Variants in DDB1 observed in about 807,000 individuals in gnomAD.
DDB1 encodes damage specific DNA binding protein 1, also known as DNA damage-binding protein 1.
A neutral mutation model predicts 133.1 loss-of-function variants in DDB1; 18 were observed. The ratio of observed to expected loss-of-function variants is 0.14; its 90% CI spans 0.09 to 0.20. DDB1 has a LOEUF of 0.20. Among genes scored for constraint, DDB1 ranks in the 10% least tolerant of loss-of-function variants. The pLI is 1.00. For synonymous variants in DDB1, 580 were observed against 550.5 expected, an observed-to-expected ratio of 1.05 and a Z score of -0.75; for missense variants, 828 against 1,459.2, an observed-to-expected ratio of 0.57 and a Z score of 7.05.
Position 61,330,027 on chromosome 11 carries a change from G to A in DDB1, c.258C>T (p.Ala86=). 1 of 1,613,892 alleles carries A rather than the reference G, an allele frequency of 6.2e-7. No individual in the cohort carries two copies. The highest frequency in any genetic ancestry group is 8.5e-7 in the Non-Finnish European group (1 of 1,179,834). ...CACTCTGTTTATACTCCAGGATGCA[G>A]GCATTGTACTTCGCTGTCAAGATAA... The part of the protein sequence containing the change: ...LLFILTAKYN[A]CILEYKQSGE... Residue 86 remains alanine, a synonymous_variant, in exon 3 of 27, where the codon GCC becomes GCT. Transcript: ENST00000301764.
Position 61,324,015 on chromosome 11 carries a change from G to C in DDB1, c.885C>G (p.Val295=). ...GTTCTACACGGAGATCCTTGAGAGT[G>C]ACGGTGCCATCCATCTGTTCCTCCT... ...LEKEEQMDGT[V]TLKDLRVELL... The change falls in exon 7 of 27, where the codon GTC becomes GTG. Residue 295 remains valine (V), a synonymous_variant. Transcript: ENST00000301764. 1.9e-6 allele frequency: 3 copies of C among 1,613,742 alleles called. No homozygotes were observed. Among genetic ancestry groups the C allele is most frequent in the Non-Finnish European group, 2.5e-6 (3 of 1,179,888 alleles).
At chr11:61,308,272 CTTCCCCAAGCACAG>C (rs1855908809) in intron 21 of DDB1, among the ~76,000 whole-genome samples, 2 of 152,176 alleles carry the variant, frequency 1.3e-5, no homozygotes, top group Non-Finnish European at 2.9e-5. Flanking sequence ...TTGCACTTGT[CTTCCCCAAGCACAG>C]GTAGGGTTCT....
intron 3 of DDB1, 71 bp downstream of exon 3, chr11:61,329,887 C>G: frequency 1.5e-6 from 2 of 1,335,198 alleles, no homozygotes; most frequent in South Asian, 2.5e-5. Context: ...GCCCCCAGCA[C>G]TTTAATTTTT....
Position 61,309,787 on chromosome 11 carries a change from C to A in DDB1, c.2566+9G>T. ...CATCCCTCAGAAACTGGAGACTGCG[C>A]CCACTTACCATCCGAATACTGAAAG... On this transcript the variant is annotated intron_variant, in intron 20 of 26. Coordinates refer to ENST00000301764, the MANE Select transcript of DDB1 (RefSeq NM_001923.5). 6.2e-7 allele frequency: 1 copy of A among 1,608,454 alleles called. No individual in the cohort carries two copies. The highest frequency in any genetic ancestry group is 2.2e-5 in the East Asian group (1 of 44,790).
At chr11:61,323,837 AGTC>A in intron 7 of DDB1, 139 bp downstream of exon 7, 1 of 868,574 alleles carries the variant, frequency 1.2e-6, no homozygotes, top group Non-Finnish European at 1.8e-6. Flanking sequence ...CTCATTCAAC[AGTC>A]AACTTCCACA....
intron 16 of DDB1, among the ~76,000 whole-genome samples, chr11:61,313,014 T>C (rs962141470): frequency 3.3e-5 from 5 of 152,204 alleles, no homozygotes; most frequent in Non-Finnish European, 1.5e-5. Context: ...GGTTTCACCA[T>C]GTTGGCCAGG....
chr11:61,316,948 TATATATATATATATATATATATA>T (rs1856085125), intron 10 of DDB1, among the ~76,000 whole-genome samples: 1 of 4,002 alleles, frequency 2.5e-4, no homozygotes, highest in Non-Finnish European at 4.5e-4. Context: ...AAAGGATAGA[TATATATATATATATATATATATA>T]TATATATATA....
chr11:61,308,558 ATT>A (rs1855912677), intron 21 of DDB1, among the ~76,000 whole-genome samples: 1 of 152,190 alleles, frequency 6.6e-6, no homozygotes, highest in African/African-American at 2.4e-5. Flanking sequence ...GATATACAAA[ATT>A]TTTGTCAACT....
At chr11:61,323,254 TA>T (rs1363109970) in intron 7 of DDB1, 160 bp from the exon 8 acceptor site, 1 of 646,636 alleles carries the variant, frequency 1.5e-6, no homozygotes. Context: ...CAAATGTTTC[TA>T]AATCTCTGAA....
chr11:61,328,377 C>T (rs1203702041), intron 4 of DDB1, among the ~76,000 whole-genome samples: 1 of 152,184 alleles, frequency 6.6e-6, no homozygotes, highest in Non-Finnish European at 1.5e-5. Context: ...CTATCATTTC[C>T]TTCCATCACT....
chr11:61,303,779 G>A (rs1855839200), intron 22 of DDB1, 86 bp downstream of exon 22: 1 of 1,489,370 alleles, frequency 6.7e-7, no homozygotes, highest in Admixed American at 1.8e-5. Context: ...CCTAATACTG[G>A]GCTGGCTTAT....
chr11:61,301,658 A>T (rs895321031), intron 25 of DDB1: 4 of 152,400 alleles, frequency 2.6e-5, no homozygotes, highest in African/African-American at 9.7e-5. Context: ...CAAGGCTGCC[A>T]AAAGTCTTGT....
At chr11:61,310,509 A>T in intron 18 of DDB1, 91 bp from the exon 19 acceptor site, 1 of 1,415,886 alleles carries the variant, frequency 7.1e-7, no homozygotes, top group Admixed American at 3.0e-5. Context: ...TCAGGACACA[A>T]AGGCTGCAGC....
chr11:61,322,347 T>A lies in DDB1; in HGVS notation c.1071A>T (p.Gly357=). The A allele has an allele frequency of 6.2e-7, 1 of 1,614,140 alleles. No homozygotes were observed. The highest frequency in any genetic ancestry group is 1.3e-5 in the African/African-American group (1 of 75,026). The change falls in exon 9 of 27, where the codon GGA becomes GGT. Residue 357 remains glycine (G), a synonymous_variant. Transcript: ENST00000301764. The part of the protein sequence containing the change: ...VVAMETFTNL[G]PIVDMCVVDL... The stretch of plus-strand genomic sequence containing the variant: ...CCACCACGCACATATCGACAATGGG[T>A]CCTAAGTTGGTAAAGGTTTCCATGG...
chr11:61,326,692 G>A (rs922366745), intron 5 of DDB1, 87 bp downstream of exon 5: 30 of 1,037,958 alleles, frequency 2.9e-5, no homozygotes, highest in South Asian at 3.8e-5. Flanking sequence ...GCGCCAAAAC[G>A]AAGGGCAGAG....
At chr11:61,315,634 C>A (rs891107368) in intron 12 of DDB1, 2 of 152,322 alleles carry the variant, frequency 1.3e-5, no homozygotes, top group Non-Finnish European at 2.9e-5. Context: ...GAGTGAAGAA[C>A]AGCTCAGAAG....
intron 9 of DDB1, chr11:61,322,032 T>C: frequency 1.8e-6 from 1 of 542,194 alleles, no homozygotes; most frequent in Non-Finnish European, 3.3e-6. Flanking sequence ...TACTTAATCT[T>C]TCTCAGCCCT....
chr11:61,310,531 T>C (rs1855947334), intron 18 of DDB1, 113 bp from the exon 19 acceptor site: 3 of 1,280,616 alleles, frequency 2.3e-6, no homozygotes, highest in East Asian at 2.7e-5. Context: ...AGCCAAGAAC[T>C]CTGATGGCTG....
chr11:61,308,969 G>C lies in DDB1; in HGVS notation c.2661+14C>G. ...GGGCAGCCTAAAGTAAGTACCAAGT[G>C]GTCCAGGCCTCACCGTGCTATTGAT... On this transcript the variant is annotated intron_variant, in intron 21 of 26. Transcript: ENST00000301764. The C allele has an allele frequency of 1.2e-6, 2 of 1,613,256 alleles. No homozygotes were observed. Among genetic ancestry groups the C allele is most frequent in the South Asian group, 2.2e-5 (2 of 91,052 alleles).
Sources: gnomAD v4.1 joint callset for allele counts (sites outside exome capture counted in the v4.1 genomes callset) on GRCh38, gnomAD v4.1.1 for gene constraint, MANE v1.5 for transcripts, NCBI Gene and HGNC (gene_info 2026-07-23, HGNC 2026-07-21) for gene names.